PARD3B: variants seen among roughly 807,000 people sequenced by gnomAD.
PARD3B encodes the protein partitioning defective 3 homolog B.
A neutral mutation model predicts 130.2 loss-of-function variants in PARD3B; 103 were observed. The observed-to-expected ratio is 0.79, with a 90% CI of 0.67 to 0.93. PARD3B has a LOEUF of 0.93. Among genes scored for constraint, PARD3B ranks in the 40% least tolerant of loss-of-function variants. The pLI is 0.00. For synonymous variants in PARD3B, 583 were observed against 553.2 expected, an observed-to-expected ratio of 1.05 and a Z score of -0.76; for missense variants, 1,609 against 1,499.2, an observed-to-expected ratio of 1.07 and a Z score of -1.21.
At chr2:204,749,258 C>T (rs1476598582) in intron 2 of PARD3B, among the ~76,000 whole-genome samples, 2 of 152,082 alleles carry the variant, frequency 1.3e-5, no homozygotes, top group African/African-American at 2.4e-5. Context: ...GGTATTGAAG[C>T]AGAGAACTCA....
chr2:205,150,122 G>C (rs2033640823), intron 10 of PARD3B, among the ~76,000 whole-genome samples: 1 of 152,158 alleles, frequency 6.6e-6, no homozygotes, highest in Admixed American at 6.5e-5. Context: ...CTCAAGGACA[G>C]AGCCTCTAGT....
rs2047074361 is a variant in PARD3B, at chr2:204,907,383, C to T, written c.223-57769C>T. On this transcript the variant is annotated intron_variant, in intron 2 of 22. Transcript: ENST00000406610. The surrounding 1 kb of genome is among the most constrained non-coding windows in gnomAD (Gnocchi z 5.7). ...TCTTTGAAAGTTGTAAATTTTAGTA[C>T]ACCTTCATTTACATTTCTATTTGAA... Among the ~76,000 whole-genome samples the T allele has an allele frequency of 1.3e-5, 2 of 152,182 alleles. No individual in the cohort carries two copies. Among genetic ancestry groups the T allele is most frequent in the Non-Finnish European group, 2.9e-5 (2 of 68,026 alleles).
At chr2:204,945,453 C>T (rs1386775761) in intron 2 of PARD3B, among the ~76,000 whole-genome samples, 1 of 152,164 alleles carries the variant, frequency 6.6e-6, no homozygotes, top group African/African-American at 2.4e-5. Context: ...GAAAGCTTCT[C>T]ATCTCACAGT....
intron 18 of PARD3B, among the ~76,000 whole-genome samples, chr2:205,333,673 A>T (rs766505641): frequency 1.1e-4 from 16 of 152,132 alleles, no homozygotes; most frequent in Non-Finnish European, 1.5e-4. Flanking sequence ...TGACAATTCT[A>T]GTCTTAGAAT....
At chr2:204,552,236 T>C (rs1325316021) in intron 1 of PARD3B, among the ~76,000 whole-genome samples, 1 of 152,140 alleles carries the variant, frequency 6.6e-6, no homozygotes, top group Non-Finnish European at 1.5e-5. Flanking sequence ...CTTCAGCCAC[T>C]CTTTGGTATC....
At chr2:205,532,588 G>A (rs1377146078) in intron 21 of PARD3B, among the ~76,000 whole-genome samples, 2 of 152,146 alleles carry the variant, frequency 1.3e-5, no homozygotes, top group Non-Finnish European at 2.9e-5. Context: ...TTTGGCTAGT[G>A]ATGCAATTAT....
chr2:204,785,555 C>G (rs1403719873), intron 2 of PARD3B, among the ~76,000 whole-genome samples: 2 of 152,148 alleles, frequency 1.3e-5, no homozygotes, highest in Admixed American at 1.3e-4. Context: ...CCATAACCTA[C>G]CAAACCCATA....
chr2:204,561,202 T>G (rs765171896), intron 1 of PARD3B, among the ~76,000 whole-genome samples: 1 of 152,206 alleles, frequency 6.6e-6, no homozygotes, highest in Non-Finnish European at 1.5e-5. Context: ...GCACCAGTTG[T>G]TCAGCATTGG....
At chr2:204,704,224 G>A (rs1434318850) in intron 2 of PARD3B, among the ~76,000 whole-genome samples, 3 of 151,988 alleles carry the variant, frequency 2.0e-5, no homozygotes, top group Non-Finnish European at 4.4e-5. Flanking sequence ...TTTTTATTTT[G>A]AATAAAATCA....
chr2:204,906,092 G>C lies in PARD3B; in HGVS notation c.223-59060G>C, dbSNP rs1452869815. ...TTTGCTAAATAATGGCTTATTAAAG[G>C]GTTCCTGATGGTAGTTTGTGATTGA... On this transcript the variant is annotated intron_variant, in intron 2 of 22. Coordinates refer to ENST00000406610, the MANE Select transcript of PARD3B (RefSeq NM_001302769.2). The surrounding 1 kb of genome is among the most constrained non-coding windows in gnomAD (Gnocchi z 4.3). Among the ~76,000 whole-genome samples, 1 of 152,102 alleles carries C rather than the reference G, an allele frequency of 6.6e-6. No individual in the cohort carries two copies. The highest frequency in any genetic ancestry group is 1.5e-5 in the Non-Finnish European group (1 of 68,004).
intron 2 of PARD3B, among the ~76,000 whole-genome samples, chr2:204,858,630 A>G (rs1342501049): frequency 6.6e-6 from 1 of 151,198 alleles, no homozygotes; most frequent in Non-Finnish European, 1.5e-5. Flanking sequence ...AGTGTATTGT[A>G]TTTACGATTT....
Position 204,965,270 on chromosome 2 carries a change from C to T in PARD3B, c.341C>T (p.Ala114Val), listed in dbSNP as rs903715446. Reference sequence around the variant, plus strand: ...ACAGAAGTGGCCGCCCAACTGGCCGCATTTAAGCCAATTGGTGGGGAGATT... The same window carrying T: ...ACAGAAGTGGCCGCCCAACTGGCCGTATTTAAGCCAATTGGTGGGGAGATT... ...FETEVAAQLA[A>V]FKPIGGEIEV... The change falls in exon 3 of 23, where the codon GCA becomes GTA. Residue 114 changes from alanine to valine, a missense_variant. Physicochemically the swap from Ala to Val is moderately conservative, Grantham distance 64. Transcript: ENST00000406610. The T allele has an allele frequency of 6.2e-7, 1 of 1,613,748 alleles. No individual in the cohort carries two copies. The highest frequency in any genetic ancestry group is 1.3e-5 in the African/African-American group (1 of 74,890).
rs114683831 is a variant in PARD3B at position 205,013,590 on chromosome 2, A to G, written c.395-33991A>G. 2.3e-3 allele frequency among the ~76,000 whole-genome samples: 350 copies of G among 152,236 alleles called. 1 individual carries two copies. The highest frequency in any genetic ancestry group is 8.1e-3 in the African/African-American group (337 of 41,540). ...CTCAGCAGTGTCCTTGGCCTCTGTC[A>G]TTGGATACTAATAACATGCCCACTT... On this transcript the variant is annotated intron_variant, in intron 3 of 22. Transcript: ENST00000406610.
chr2:204,909,806 A>G (rs941063237), intron 2 of PARD3B, among the ~76,000 whole-genome samples: 2 of 152,182 alleles, frequency 1.3e-5, no homozygotes, highest in Non-Finnish European at 2.9e-5. Flanking sequence ...TTTTTGTTGC[A>G]CAGTATTTCA....
chr2:205,601,731 C>T (rs1559259000), intron 22 of PARD3B, among the ~76,000 whole-genome samples: 3 of 151,866 alleles, frequency 2.0e-5, no homozygotes, highest in Non-Finnish European at 4.4e-5. Flanking sequence ...AGCCAGTTTT[C>T]CCAGCACATT....
chr2:204,740,094 A>G (rs967766161), intron 2 of PARD3B, among the ~76,000 whole-genome samples: 4 of 151,846 alleles, frequency 2.6e-5, no homozygotes, highest in Non-Finnish European at 5.9e-5. Flanking sequence ...GCTCACTGCA[A>G]CCTCTACCTC....
intron 22 of PARD3B, among the ~76,000 whole-genome samples, chr2:205,554,099 A>G (rs1192057669): frequency 1.3e-5 from 2 of 152,220 alleles, no homozygotes; most frequent in African/African-American, 4.8e-5. Context: ...TTCCAAGAGT[A>G]CATGCAGTCC....
chr2:204,746,431 G>A (rs1428281833), intron 2 of PARD3B, among the ~76,000 whole-genome samples: 26 of 151,756 alleles, frequency 1.7e-4, no homozygotes, highest in African/African-American at 4.6e-4. Context: ...GAATAGTGCC[G>A]CAATAAACAT....
intron 10 of PARD3B, among the ~76,000 whole-genome samples, chr2:205,155,102 T>A (rs906391606): frequency 7.2e-5 from 11 of 152,142 alleles, no homozygotes; most frequent in African/African-American, 2.7e-4. Flanking sequence ...TTTCAGAATA[T>A]GAGCTCACTC....
Sources: gnomAD v4.1 joint callset for allele counts (sites outside exome capture counted in the v4.1 genomes callset) on GRCh38, gnomAD v4.1.1 for gene constraint, Gnocchi (gnomAD v3.1) non-coding constraint, MANE v1.5 for transcripts, NCBI Gene and HGNC (gene_info 2026-07-23, HGNC 2026-07-21) for gene names.